Variants in CNTLN observed in about 807,000 individuals in gnomAD.
CNTLN encodes centlein, centrosomal protein.
Under a neutral mutation model 180.0 loss-of-function variants are expected in CNTLN, and 212 were observed. That is an observed-to-expected ratio of 1.18 (90% CI 1.05 to 1.32). The LOEUF (loss-of-function observed/expected upper bound fraction) is 1.32. Among genes scored for constraint, CNTLN ranks in the 40% most tolerant of loss-of-function variants. The probability of loss-of-function intolerance (pLI) is 0.00; values close to 1 mark genes in which losing one functional copy is unlikely to be tolerated. For synonymous variants in CNTLN, 722 were observed against 563.1 expected (o/e 1.28, Z -3.99); for missense variants, 2,095 against 1,610.9 (o/e 1.30, Z -5.14).
chr9:17,504,881 C>T (rs1239293932), downstream of CNTLN, among the ~76,000 whole-genome samples: 3 of 152,148 alleles, frequency 2.0e-5, no homozygotes, highest in Non-Finnish European at 2.9e-5. Context: ...ACATCTAGAA[C>T]TGTAAGATAA....
intron 25 of CNTLN, among the ~76,000 whole-genome samples, chr9:17,499,148 G>A (rs1031698366): frequency 1.3e-5 from 2 of 152,128 alleles, no homozygotes; most frequent in Non-Finnish European, 1.5e-5. Context: ...GCTTTCCAAG[G>A]CATGTTGTAT....
chr9:17,346,336 A>T (rs1314713793), intron 12 of CNTLN, among the ~76,000 whole-genome samples: 2 of 151,980 alleles, frequency 1.3e-5, no homozygotes, highest in Non-Finnish European at 1.5e-5. Flanking sequence ...CTAGCATGAG[A>T]TCTCACTAGC....
intron 13 of CNTLN, among the ~76,000 whole-genome samples, chr9:17,367,839 C>A (rs756918965): frequency 5.4e-5 from 8 of 148,186 alleles, no homozygotes; most frequent in African/African-American, 7.5e-5. Flanking sequence ...GAATAACCAG[C>A]AGCAATACCC....
chr9:17,286,472 T>C (rs1828986202), intron 6 of CNTLN, among the ~76,000 whole-genome samples: 1 of 111,660 alleles, frequency 9.0e-6, no homozygotes, highest in East Asian at 3.0e-4. Flanking sequence ...TGGCTTAGGA[T>C]TGACTTGGCG....
At chr9:17,303,268 T>G (rs76312206) in intron 7 of CNTLN, among the ~76,000 whole-genome samples, 4,764 of 152,312 alleles carry the variant, frequency 0.031, 154 homozygotes, top group East Asian at 0.18. Context: ...GGTAAACAGA[T>G]TCTACAAACT....
intron 20 of CNTLN, among the ~76,000 whole-genome samples, chr9:17,463,977 A>T (rs565271248): frequency 2.6e-5 from 4 of 151,612 alleles, no homozygotes; most frequent in Non-Finnish European, 5.9e-5. Flanking sequence ...TTCTCACAGC[A>T]TCTACCATTT....
chr9:17,242,356 C>T lies in CNTLN; in HGVS notation c.849+5768C>T, dbSNP rs181138870. 2.0e-3 allele frequency among the ~76,000 whole-genome samples: 304 copies of T among 151,876 alleles called. 4 individuals are homozygous for T. Among genetic ancestry groups the T allele is most frequent in the Admixed American group, 0.017 (264 of 15,246 alleles). On this transcript the variant is annotated intron_variant, in intron 5 of 25. Transcript: ENST00000380647. ...ATGGAGTCTCGCTGTGTCACCCAGG[C>T]GGGAGTGCAGTGGCACGATCTTGGC...
At chr9:17,325,506 A>T (rs1218704779) in intron 8 of CNTLN, among the ~76,000 whole-genome samples, 1 of 150,706 alleles carries the variant, frequency 6.6e-6, no homozygotes, top group East Asian at 2.0e-4. Context: ...AGTTTTTCTG[A>T]TATATACGTG....
chr9:17,150,390 C>A (rs993477497), intron 2 of CNTLN, among the ~76,000 whole-genome samples: 1 of 152,176 alleles, frequency 6.6e-6, no homozygotes, highest in Admixed American at 6.5e-5. Context: ...TTTCCCAACA[C>A]CATTTATTAA....
intron 8 of CNTLN, among the ~76,000 whole-genome samples, chr9:17,309,825 C>T (rs1225187391): frequency 6.6e-6 from 1 of 151,954 alleles, no homozygotes; most frequent in Non-Finnish European, 1.5e-5. Flanking sequence ...ATCTTCAGGG[C>T]AACTTTCAAC....
chr9:17,413,998 T>C (rs1316624682), intron 16 of CNTLN, among the ~76,000 whole-genome samples: 6 of 152,202 alleles, frequency 3.9e-5, no homozygotes, highest in Non-Finnish European at 8.8e-5. Context: ...CAAACTGTGG[T>C]ACATCTGTAA....
At chr9:17,314,727 A>G (rs1587628185) in intron 8 of CNTLN, among the ~76,000 whole-genome samples, 1 of 152,292 alleles carries the variant, frequency 6.6e-6, no homozygotes, top group South Asian at 2.1e-4. Context: ...TTTTCCAACT[A>G]TCAGTTCTTA....
chr9:17,242,748 T>C (rs1303670887), intron 5 of CNTLN, among the ~76,000 whole-genome samples: 1 of 152,244 alleles, frequency 6.6e-6, no homozygotes, highest in Non-Finnish European at 1.5e-5. Flanking sequence ...GATTTGGTGC[T>C]AATATTTTAT....
intron 2 of CNTLN, among the ~76,000 whole-genome samples, chr9:17,144,517 A>G (rs1368785799): frequency 1.3e-5 from 2 of 152,130 alleles, no homozygotes; most frequent in African/African-American, 2.4e-5. Flanking sequence ...ATTTTTTAAA[A>G]CTTTCTAAAC....
At chr9:17,448,239 AT>A (rs1468476946) in intron 18 of CNTLN, 1 of 164,658 alleles carries the variant, frequency 6.1e-6, no homozygotes, top group African/African-American at 2.4e-5. Flanking sequence ...CACTCAAAAA[AT>A]TCACTTGTCT....
intron 2 of CNTLN, among the ~76,000 whole-genome samples, chr9:17,211,248 G>A (rs543724486): frequency 6.6e-6 from 1 of 152,260 alleles, no homozygotes; most frequent in Non-Finnish European, 1.5e-5. Context: ...TGTAAGGAAG[G>A]GATCCAGTTT....
intron 3 of CNTLN, among the ~76,000 whole-genome samples, chr9:17,233,564 T>A (rs1012800377): frequency 6.6e-6 from 1 of 152,174 alleles, no homozygotes; most frequent in Admixed American, 6.5e-5. Flanking sequence ...GAGAAATTCT[T>A]GGTCATGAAT....
intron 15 of CNTLN, among the ~76,000 whole-genome samples, chr9:17,403,846 G>C (rs1164444179): frequency 6.6e-6 from 1 of 151,728 alleles, no homozygotes; most frequent in African/African-American, 2.4e-5. Flanking sequence ...TGTGATCCTG[G>C]CTCACTGCAA....
At chr9:17,248,568 T>C (rs1486725214) in intron 5 of CNTLN, among the ~76,000 whole-genome samples, 1 of 147,992 alleles carries the variant, frequency 6.8e-6, no homozygotes, top group African/African-American at 2.4e-5. Context: ...TATATAAATA[T>C]AGAATATATA....
Sources: gnomAD v4.1 joint callset for allele counts (sites outside exome capture counted in the v4.1 genomes callset) on GRCh38, gnomAD v4.1.1 for gene constraint, MANE v1.5 for transcripts, NCBI Gene and HGNC (gene_info 2026-07-23, HGNC 2026-07-21) for gene names.